Variants in DLG2 observed in about 807,000 individuals in gnomAD.
DLG2 encodes disks large homolog 2.
DLG2 carries 45 observed loss-of-function variants against 132.5 expected under a neutral mutation model. The observed-to-expected ratio is 0.34, with a 90% confidence interval of 0.27 to 0.44. The LOEUF (loss-of-function observed/expected upper bound fraction) is 0.44. Ranked by LOEUF, DLG2 falls within the 20% of genes least tolerant of loss-of-function variation. The probability of loss-of-function intolerance (pLI) is 1.00; values close to 1 mark genes in which losing one functional copy is unlikely to be tolerated. For synonymous variants in DLG2, 424 were observed against 419.6 expected (o/e 1.01, Z -0.13); for missense variants, 1,045 against 1,196.9 (o/e 0.87, Z 1.87).
Position 84,093,285 on chromosome 11 carries a change from T to C in DLG2, c.749+5638A>G, listed in dbSNP as rs568047628. ...TGTGTCAGAATTCAGTTCCTTGAGT[T>C]TGTGGGACTGAGGTCCCTGCTTCAT... On this transcript the variant is annotated intron_variant, in intron 10 of 27. Transcript: ENST00000376104. Among the ~76,000 whole-genome samples the C allele has an allele frequency of 9.9e-5, 15 of 152,278 alleles. No individual in the cohort carries two copies. The East Asian group carries it at 2.3e-3, about 24-fold the overall frequency.
intron 2 of DLG2, among the ~76,000 whole-genome samples, chr11:85,621,675 G>A (rs1228117727): frequency 6.6e-6 from 1 of 152,250 alleles, no homozygotes; most frequent in Non-Finnish European, 1.5e-5. Context: ...AGTGAAGCCT[G>A]AAGATGTGAC....
intron 19 of DLG2, among the ~76,000 whole-genome samples, chr11:83,607,355 T>G (rs1302605180): frequency 1.3e-5 from 2 of 152,184 alleles, no homozygotes; most frequent in African/African-American, 4.8e-5. Context: ...AATCTCATAC[T>G]CTCAATTCAC....
At chr11:83,574,395 A>G (rs1432056) in intron 19 of DLG2, among the ~76,000 whole-genome samples, 47,588 of 152,094 alleles carry the variant, frequency 0.31, 8,573 homozygotes, top group East Asian at 0.48. Flanking sequence ...AAAACTACAA[A>G]AATACAAATA....
At chr11:84,263,712 T>C (rs1043409264) in intron 7 of DLG2, among the ~76,000 whole-genome samples, 1 of 152,190 alleles carries the variant, frequency 6.6e-6, no homozygotes, top group Admixed American at 6.5e-5. Flanking sequence ...CACTAGATCA[T>C]ACACTAAGAT....
chr11:84,586,415 A>G (rs889690580), intron 6 of DLG2, among the ~76,000 whole-genome samples: 4 of 152,110 alleles, frequency 2.6e-5, no homozygotes, highest in African/African-American at 9.7e-5. Context: ...TGCCTAGTAC[A>G]TATTTGTTCC....
At chr11:83,935,210 T>A (rs790365) in intron 14 of DLG2, among the ~76,000 whole-genome samples, 1 of 152,010 alleles carries the variant, frequency 6.6e-6, no homozygotes, top group South Asian at 2.1e-4. Context: ...TTGCCAGATA[T>A]CATTTGAGGA....
At position 83,520,639 on chromosome 11, in the gene DLG2, G is replaced by GTAGATAGATAGA. The variant is rs71066046; in HGVS notation, c.2193+12057_2193+12068dup. ...GACAGGTAGGTAGATAGGTAGGTAG[G>GTAGATAGATAGA]TAGATAGATAGATAGATAGATAGAT... is the stretch of plus-strand genomic sequence containing the variant. On this transcript the variant is annotated intron_variant, in intron 21 of 27. Coordinates refer to ENST00000376104, the MANE Select transcript of DLG2 (RefSeq NM_001142699.3). Among the ~76,000 whole-genome samples, 1,181 of 148,056 alleles carry GTAGATAGATAGA rather than the reference G, an allele frequency of 8.0e-3. 15 individuals are homozygous for GTAGATAGATAGA. The highest frequency in any genetic ancestry group is 0.022 in the African/African-American group (883 of 40,126).
At chr11:84,059,294 A>G in intron 11 of DLG2, 21 bp downstream of exon 11, 8 of 1,609,920 alleles carry the variant, frequency 5.0e-6, no homozygotes, top group Non-Finnish European at 5.9e-6. Context: ...AGTGTCTGTG[A>G]GTCATTTATA....
Position 83,833,656 on chromosome 11 carries a change from T to G in DLG2, c.1680A>C (p.Ala560=). 1 of 1,614,082 alleles carries G rather than the reference T, an allele frequency of 6.2e-7. No individual in the cohort carries two copies. The highest frequency in any genetic ancestry group is 8.5e-7 in the Non-Finnish European group (1 of 1,179,974). ...CTCTCTGGAGCTCCCCACTTAGGTC[T>G]GCTGGTCCACCAGCCAGAATGAAGG... The part of the protein sequence containing the change: ...FVSFILAGGP[A]DLSGELQRGD... Residue 560 remains alanine (A), a synonymous_variant, in exon 17 of 28, where the codon GCA becomes GCC. Coordinates refer to ENST00000376104, the MANE Select transcript of DLG2 (RefSeq NM_001142699.3).
intron 3 of DLG2, among the ~76,000 whole-genome samples, chr11:85,373,894 C>T (rs2085191266): frequency 6.6e-6 from 1 of 152,128 alleles, no homozygotes; most frequent in Non-Finnish European, 1.5e-5. Context: ...TAGGACAACT[C>T]TGAAAGGATA....
chr11:84,799,118 A>G lies in DLG2; in HGVS notation c.358-264387T>C, dbSNP rs144723203. On this transcript the variant is annotated intron_variant, in intron 6 of 27. Coordinates refer to ENST00000376104, the MANE Select transcript of DLG2 (RefSeq NM_001142699.3). ...CCAGTCCACTGGCTCTAGGCCCACA[A>G]CGGCCTCAAGGCTTGCCTAAGAATT... 9.9e-5 allele frequency among the ~76,000 whole-genome samples: 15 copies of G among 152,280 alleles called. No individual in the cohort carries two copies. In the East Asian group the frequency reaches 2.5e-3, roughly 26 times the overall value.
intron 8 of DLG2, among the ~76,000 whole-genome samples, chr11:84,207,081 C>CTCTATA (rs148707321): frequency 0.017 from 2,513 of 146,936 alleles, 60 homozygotes; most frequent in African/African-American, 0.054. Flanking sequence ...CTCTCTCTCT[C>CTCTATA]TATATATATA....
chr11:85,153,434 C>T (rs1232911763), intron 5 of DLG2, among the ~76,000 whole-genome samples: 1 of 152,298 alleles, frequency 6.6e-6, no homozygotes, highest in Non-Finnish European at 1.5e-5. Flanking sequence ...TACTTAGTCA[C>T]CAAGTCCTGT....
chr11:84,673,601 T>TAA (rs545722898), intron 6 of DLG2, among the ~76,000 whole-genome samples: 10 of 120,348 alleles, frequency 8.3e-5, no homozygotes, highest in African/African-American at 2.8e-4. Context: ...CCCTAGAATC[T>TAA]AAAAAAAAAA....
chr11:85,326,429 A>G (rs2081464196), intron 3 of DLG2, among the ~76,000 whole-genome samples: 1 of 116,070 alleles, frequency 8.6e-6, no homozygotes, highest in Non-Finnish European at 1.8e-5. Context: ...ATCTCTCGGC[A>G]GAAACCCTAC....
chr11:83,966,021 T>C (rs892191540), intron 12 of DLG2, among the ~76,000 whole-genome samples: 5 of 152,070 alleles, frequency 3.3e-5, no homozygotes, highest in Admixed American at 3.3e-4. Context: ...AGTTTCTTAC[T>C]AGCGCATGTT....
intron 8 of DLG2, among the ~76,000 whole-genome samples, chr11:84,201,477 G>A (rs1165389820): frequency 6.6e-6 from 1 of 152,074 alleles, no homozygotes; most frequent in Admixed American, 6.6e-5. Flanking sequence ...AGTTAGGGAG[G>A]AGTCCCTCCT....
intron 10 of DLG2, among the ~76,000 whole-genome samples, chr11:84,085,643 A>C (rs1407909343): frequency 6.6e-6 from 1 of 152,234 alleles, no homozygotes; most frequent in Non-Finnish European, 1.5e-5. Flanking sequence ...TCCTGCCTTC[A>C]CTAGAGCAGT....
chr11:85,587,269 A>G (rs1490073111), intron 3 of DLG2, among the ~76,000 whole-genome samples: 2 of 152,100 alleles, frequency 1.3e-5, no homozygotes, highest in African/African-American at 4.8e-5. Context: ...TTCTGTCTTG[A>G]TGACCTCTCT....
Sources: gnomAD v4.1 joint callset for allele counts (sites outside exome capture counted in the v4.1 genomes callset) on GRCh38, gnomAD v4.1.1 for gene constraint, MANE v1.5 for transcripts, NCBI Gene and HGNC (gene_info 2026-07-23, HGNC 2026-07-21) for gene names.